MACF1: variants seen among roughly 807,000 people sequenced by gnomAD.
MACF1 encodes microtubule-actin cross-linking factor 1.
MACF1 carries 193 observed loss-of-function variants against 854.8 expected under a neutral mutation model. The observed-to-expected ratio is 0.23, with a 90% CI of 0.20 to 0.25. The LOEUF (loss-of-function observed/expected upper bound fraction) is 0.25, where lower values mean the gene tolerates loss of function less well. Among genes scored for constraint, MACF1 ranks in the 10% least tolerant of loss-of-function variants. The probability of loss-of-function intolerance (pLI) is 1.00; values close to 1 mark genes in which losing one functional copy is unlikely to be tolerated. For synonymous variants in MACF1, 3,185 were observed against 3,226.7 expected, an observed-to-expected ratio of 0.99 and a Z score of 0.44; for missense variants, 7,722 against 8,929.1, an observed-to-expected ratio of 0.86 and a Z score of 5.45.
intron 2 of MACF1, chr1:39,103,493 C>T (rs529108132): frequency 8.7e-4 from 136 of 155,546 alleles, no homozygotes; most frequent in Non-Finnish European, 6.6e-4. Flanking sequence ...CAGTCAAGAT[C>T]CCCAGAGTTA....
intron 84 of MACF1, among the ~76,000 whole-genome samples, chr1:39,449,016 A>C (rs1185028878): frequency 6.6e-6 from 1 of 152,238 alleles, no homozygotes; most frequent in Non-Finnish European, 1.5e-5. Flanking sequence ...GTAACTCAAA[A>C]GTATTTGTAA....
intron 76 of MACF1, 42 bp downstream of exon 76, chr1:39,442,362 T>C (rs1271373439): frequency 1.2e-6 from 2 of 1,604,962 alleles, no homozygotes; most frequent in Admixed American, 1.7e-5. Context: ...TACTCTCCGC[T>C]CTTTTCTAAT....
chr1:39,419,321 A>G (rs1294261269), intron 58 of MACF1, among the ~76,000 whole-genome samples: 1 of 152,236 alleles, frequency 6.6e-6, no homozygotes, highest in East Asian at 1.9e-4. Flanking sequence ...AAATGTTTGT[A>G]AACAAAGTAA....
intron 2 of MACF1, among the ~76,000 whole-genome samples, chr1:39,117,332 T>G (rs969059066): frequency 6.6e-6 from 1 of 152,184 alleles, no homozygotes; most frequent in African/African-American, 2.4e-5. Flanking sequence ...ATTCCGCATC[T>G]TTGTTTGTTT....
At chr1:39,208,101 C>T (rs1182183367) in intron 1 of MACF1, among the ~76,000 whole-genome samples, 1 of 150,240 alleles carries the variant, frequency 6.7e-6, no homozygotes, top group Non-Finnish European at 1.5e-5. Flanking sequence ...CCACTGTATT[C>T]CAGCCTGGGC....
chr1:39,352,552 G>A (rs190822349), intron 43 of MACF1, among the ~76,000 whole-genome samples: 1 of 152,228 alleles, frequency 6.6e-6, no homozygotes, highest in Admixed American at 6.5e-5. Flanking sequence ...GAGTATTGCC[G>A]TGTCACCGAA....
At chr1:39,416,669 A>G (rs999726520) in intron 58 of MACF1, among the ~76,000 whole-genome samples, 2 of 152,220 alleles carry the variant, frequency 1.3e-5, no homozygotes, top group Non-Finnish European at 2.9e-5. Context: ...GTAGATGGCT[A>G]CATAATCTCT....
At position 39,105,401 on chromosome 1, in the gene MACF1, A is replaced by C; in HGVS notation, c.220+20963A>C. 9 of 986,260 alleles carry C rather than the reference A, an allele frequency of 9.1e-6. No individual in the cohort carries two copies. The highest frequency in any genetic ancestry group is 1.1e-5 in the Non-Finnish European group (9 of 831,778). 61.1% of individuals were successfully genotyped at this position (986,260 alleles called of 1,614,324 possible). ...GGAGCCGAGGGGTGAGGACGCGGAA[A>C]CGCGAGCCGGGACCGGCGGAGCGCG... On this transcript the variant is annotated intron_variant, in intron 2 of 93. Coordinates refer to the MACF1 transcript ENST00000361689. This position sits in a 1 kb window ranked among gnomAD's most constrained non-coding sequence, Gnocchi z 5.9.
chr1:39,235,392 G>A (rs186789506), intron 2 of MACF1, among the ~76,000 whole-genome samples: 2 of 152,388 alleles, frequency 1.3e-5, no homozygotes, highest in African/African-American at 4.8e-5. Flanking sequence ...GCACTCGGCA[G>A]GCTGAGTCAG....
chr1:39,470,847 T>A (rs1644763005), intron 97 of MACF1, among the ~76,000 whole-genome samples: 1 of 152,204 alleles, frequency 6.6e-6, no homozygotes, highest in Admixed American at 6.5e-5. Context: ...AAAGAGATAT[T>A]GCATGTGGCA....
rs777739886 is a variant in MACF1, at chr1:39,360,979, A to G, written c.12431A>G (p.Gln4144Arg). Residue 4144 changes from glutamine (Q) to arginine (R), a missense_variant, in exon 48 of 101, where the codon CAG becomes CGG. Physicochemically the swap from Gln to Arg is conservative, Grantham distance 43. Around this residue, in one of 15 missense-constraint regions of MACF1, gnomAD observed 2,807 missense variants for 3,235.8 expected, o/e 0.87. Transcript: ENST00000564288. The stretch of plus-strand genomic sequence containing the variant: ...TCATCACTCTCATCAGGAGTCATCC[A>G]GGAAGCCTTAGCCACAAATATGGTA... ...QVSSLSSGVI[Q>R]EALATNMKLK... 2.7e-5 allele frequency: 43 copies of G among 1,614,154 alleles called. No individual in the cohort carries two copies. In the East Asian group the frequency reaches 9.1e-4, roughly 34 times the overall value.
At chr1:39,171,203 T>TGTGTGTG (rs1643943742) in intron 2 of MACF1, among the ~76,000 whole-genome samples, 1 of 146,236 alleles carries the variant, frequency 6.8e-6, no homozygotes, top group Non-Finnish European at 1.5e-5. Flanking sequence ...ATCTTTCTGT[T>TGTGTGTG]TGTGTGTGTG....
intron 6 of MACF1, among the ~76,000 whole-genome samples, chr1:39,275,084 T>TC (rs1030278605): frequency 6.6e-6 from 1 of 151,050 alleles, no homozygotes; most frequent in African/African-American, 2.4e-5. Flanking sequence ...AGATACTTTT[T>TC]TTTTTTTTTT....
intron 83 of MACF1, 84 bp downstream of exon 83, chr1:39,448,236 TA>T: frequency 6.8e-7 from 1 of 1,469,256 alleles, no homozygotes; most frequent in South Asian, 1.4e-5. Flanking sequence ...TCAGAGCTAG[TA>T]AAAAGAAAAC....
At chr1:39,120,908 T>G (rs1410297615) in intron 2 of MACF1, 1 of 152,378 alleles carries the variant, frequency 6.6e-6, no homozygotes, top group African/African-American at 2.4e-5. Flanking sequence ...TTTTGTGCTA[T>G]CAAATAGTAG....
intron 31 of MACF1, among the ~76,000 whole-genome samples, chr1:39,322,089 A>T (rs976576654): frequency 2.0e-5 from 3 of 152,214 alleles, no homozygotes; most frequent in Non-Finnish European, 4.4e-5. Context: ...TTCAGGGATT[A>T]GAAATCTAAG....
At chr1:39,423,530 G>A (rs1030684121) in intron 60 of MACF1, among the ~76,000 whole-genome samples, 1 of 151,354 alleles carries the variant, frequency 6.6e-6, no homozygotes, top group African/African-American at 2.4e-5. Flanking sequence ...AGCTACTCGG[G>A]AGGCTGAGGC....
chr1:39,088,295 G>T (rs1269529132), intron 2 of MACF1, among the ~76,000 whole-genome samples: 1 of 151,818 alleles, frequency 6.6e-6, no homozygotes, highest in East Asian at 1.9e-4. Flanking sequence ...CACCATGTTG[G>T]TCAGGCTGGT....
chr1:39,127,011 C>G (rs1258366021), intron 2 of MACF1, among the ~76,000 whole-genome samples: 1 of 152,066 alleles, frequency 6.6e-6, no homozygotes, highest in Non-Finnish European at 1.5e-5. Context: ...GCAGGTGGAT[C>G]ACCTGAGGTT....
Sources: allele counts gnomAD v4.1 joint callset (sites outside exome capture counted in the v4.1 genomes callset), GRCh38; gene constraint gnomAD v4.1.1; regional missense constraint gnomAD v4.1.1; non-coding constraint Gnocchi (gnomAD v3.1); transcripts MANE v1.5; gene names NCBI Gene and HGNC (gene_info 2026-07-23, HGNC 2026-07-21).